Variants in GLIS3 observed in about 807,000 individuals in gnomAD.
The protein encoded by GLIS3 is zinc finger protein GLIS3.
In GLIS3, 53 loss-of-function variants were observed where a neutral mutation model predicts 78.6. The ratio of observed to expected loss-of-function variants is 0.67; its 90% CI spans 0.54 to 0.85. The LOEUF is 0.85. GLIS3 is among the 40% of genes least tolerant of loss of function. The pLI, the probability that GLIS3 is intolerant of heterozygous loss-of-function variation, is 0.00. For missense variants in GLIS3, 1,703 were observed against 1,231.1 expected, an observed-to-expected ratio of 1.38 and a Z score of -5.74; for synonymous variants, 684 against 509.9, an observed-to-expected ratio of 1.34 and a Z score of -4.60.
At chr9:4,314,314 C>T (rs1331826916) in intron 2 of GLIS3, among the ~76,000 whole-genome samples, 1 of 152,160 alleles carries the variant, frequency 6.6e-6, no homozygotes, top group Non-Finnish European at 1.5e-5. Context: ...GCTCTTTCTC[C>T]CAGGCTGCAT....
At chr9:4,284,560 A>G (rs1827820544) in intron 2 of GLIS3, among the ~76,000 whole-genome samples, 1 of 152,018 alleles carries the variant, frequency 6.6e-6, no homozygotes, top group African/African-American at 2.4e-5. Flanking sequence ...CAGTACCTCT[A>G]AGAAATAAAA....
At chr9:3,929,670 G>T (rs1825495131) in intron 6 of GLIS3, among the ~76,000 whole-genome samples, 1 of 152,012 alleles carries the variant, frequency 6.6e-6, no homozygotes, top group African/African-American at 2.4e-5. Context: ...TGACTAACAG[G>T]GTGTGACAGA....
At chr9:4,417,421 A>G in the GLIS3 span, among the ~76,000 whole-genome samples, 1 of 152,182 alleles carries the variant, frequency 6.6e-6, no homozygotes, top group Non-Finnish European at 1.5e-5. Context: ...TATTTTGTAT[A>G]CCATGCTTCA....
intron 4 of GLIS3, among the ~76,000 whole-genome samples, chr9:3,957,492 T>C (rs1284376251): frequency 6.6e-6 from 1 of 152,208 alleles, no homozygotes; most frequent in Non-Finnish European, 1.5e-5. Flanking sequence ...GATTTGCATA[T>C]TGCAGACTTG....
the GLIS3 span, among the ~76,000 whole-genome samples, chr9:4,465,513 C>A: frequency 8.0e-5 from 12 of 150,702 alleles, no homozygotes; most frequent in African/African-American, 3.0e-4. Context: ...CATGCCATTG[C>A]ACTCCGGCCT....
At chr9:4,041,783 C>G (rs539437572) in intron 4 of GLIS3, among the ~76,000 whole-genome samples, 1 of 152,190 alleles carries the variant, frequency 6.6e-6, no homozygotes, top group African/African-American at 2.4e-5. Context: ...CTTCATGTCT[C>G]TTGCTTGAGT....
At chr9:3,857,583 G>A (rs1253764564) in intron 8 of GLIS3, among the ~76,000 whole-genome samples, 5 of 152,158 alleles carry the variant, frequency 3.3e-5, no homozygotes, top group Non-Finnish European at 2.9e-5. Context: ...AGTAGGACTC[G>A]CTAACCTCTA....
intron 2 of GLIS3, among the ~76,000 whole-genome samples, chr9:4,274,899 G>A (rs1005103356): frequency 6.6e-6 from 1 of 152,174 alleles, no homozygotes; most frequent in Non-Finnish European, 1.5e-5. Flanking sequence ...AATTATACTT[G>A]AGTAGCAAGG....
intron 2 of GLIS3, among the ~76,000 whole-genome samples, chr9:4,201,312 T>A (rs1032429421): frequency 6.6e-6 from 1 of 152,098 alleles, no homozygotes; most frequent in Non-Finnish European, 1.5e-5. Context: ...TAATCCAACA[T>A]AGTACTGGAA....
chr9:4,316,062 T>C (rs965152179), intron 2 of GLIS3, among the ~76,000 whole-genome samples: 6 of 152,196 alleles, frequency 3.9e-5, no homozygotes, highest in African/African-American at 1.4e-4. Context: ...AATACATGCA[T>C]ATCTATGTAT....
chr9:4,164,835 C>T (rs976091804), intron 2 of GLIS3, among the ~76,000 whole-genome samples: 8 of 152,070 alleles, frequency 5.3e-5, no homozygotes, highest in Admixed American at 3.9e-4. Context: ...AAAGCAAAGA[C>T]CAGACTTAAA....
chr9:4,331,588 A>C (rs1392715879), intron 2 of GLIS3, among the ~76,000 whole-genome samples: 1 of 152,216 alleles, frequency 6.6e-6, no homozygotes, highest in African/African-American at 2.4e-5. Flanking sequence ...AGCTGCAGGG[A>C]AATCTATGGA....
chr9:4,446,117 A>G, the GLIS3 span, among the ~76,000 whole-genome samples: 1 of 152,226 alleles, frequency 6.6e-6, no homozygotes, highest in African/African-American at 2.4e-5. Context: ...CCAGGCTGTG[A>G]TCTCTGATTT....
chr9:4,043,961 C>T (rs531460256), intron 4 of GLIS3, among the ~76,000 whole-genome samples: 1 of 152,158 alleles, frequency 6.6e-6, no homozygotes, highest in Admixed American at 6.5e-5. Context: ...CACCCACAGC[C>T]GGCTGTTGTC....
chr9:4,100,914 G>C (rs1015202137), intron 4 of GLIS3, among the ~76,000 whole-genome samples: 1 of 152,110 alleles, frequency 6.6e-6, no homozygotes, highest in African/African-American at 2.4e-5. Context: ...ACAATATCAG[G>C]GAACACAAAA....
At chr9:4,106,992 A>C (rs1830804963) in intron 4 of GLIS3, among the ~76,000 whole-genome samples, 1 of 152,160 alleles carries the variant, frequency 6.6e-6, no homozygotes, top group Non-Finnish European at 1.5e-5. Flanking sequence ...ATTGTATGGC[A>C]ATGGAATCCT....
At chr9:4,023,594 G>A (rs571614231) in intron 4 of GLIS3, among the ~76,000 whole-genome samples, 5 of 148,248 alleles carry the variant, frequency 3.4e-5, no homozygotes, top group African/African-American at 1.1e-4. Context: ...CCCACAGAGC[G>A]AGCATTGCTT....
At chr9:4,039,612 C>T (rs1273652978) in intron 4 of GLIS3, among the ~76,000 whole-genome samples, 2 of 152,312 alleles carry the variant, frequency 1.3e-5, no homozygotes, top group East Asian at 1.9e-4. Flanking sequence ...AGAAGTGACT[C>T]GTCCAAGGAA....
At chr9:3,891,250 G>T (rs1479083904) in intron 7 of GLIS3, among the ~76,000 whole-genome samples, 3 of 152,242 alleles carry the variant, frequency 2.0e-5, no homozygotes, top group Admixed American at 6.5e-5. Flanking sequence ...TATGTTTAAA[G>T]AACTCTTTAT....
Sources: gnomAD v4.1 joint callset for allele counts (sites outside exome capture counted in the v4.1 genomes callset) on GRCh38, gnomAD v4.1.1 for gene constraint, MANE v1.5 for transcripts, NCBI Gene and HGNC (gene_info 2026-07-23, HGNC 2026-07-21) for gene names.